EPB41: variants seen among roughly 807,000 people sequenced by gnomAD.
The protein encoded by EPB41 is erythrocyte membrane protein band 4.1.
A neutral mutation model predicts 108.0 loss-of-function variants in EPB41; 65 were observed. The observed-to-expected ratio is 0.60, with a 90% confidence interval of 0.49 to 0.74. The LOEUF is 0.74. Among genes scored for constraint, EPB41 ranks in the 30% least tolerant of loss-of-function variants. The pLI, the probability that EPB41 is intolerant of heterozygous loss-of-function variation, is 0.00. For synonymous variants in EPB41, 336 were observed against 358.9 expected (o/e 0.94, Z 0.72); for missense variants, 875 against 1,037.0 (o/e 0.84, Z 2.15).
intron 14 of EPB41, among the ~76,000 whole-genome samples, chr1:29,060,007 T>C (rs1254679298): frequency 2.0e-5 from 3 of 152,214 alleles, no homozygotes; most frequent in Non-Finnish European, 4.4e-5. Flanking sequence ...GCAGTGTCAC[T>C]AAGTATAAAA....
chr1:29,045,763 G>C (rs948028910), intron 11 of EPB41, among the ~76,000 whole-genome samples: 7 of 139,732 alleles, frequency 5.0e-5, no homozygotes, highest in Admixed American at 7.9e-5. Context: ...GCTTGAGTCT[G>C]AGAGTTCAAG....
At chr1:29,061,568 C>CTTTTTTTTTT (rs1216571057) in intron 15 of EPB41, among the ~76,000 whole-genome samples, 2 of 89,898 alleles carry the variant, frequency 2.2e-5, no homozygotes, top group East Asian at 5.2e-4. Context: ...TGCGCCTGGC[C>CTTTTTTTTTT]TTTGTTTTTT....
intron 1 of EPB41, among the ~76,000 whole-genome samples, chr1:28,935,198 AG>A (rs2093943320): frequency 6.6e-6 from 1 of 152,048 alleles, no homozygotes; most frequent in African/African-American, 2.4e-5. Context: ...TGGGAGGATG[AG>A]GCAGGCTGAT....
intron 16 of EPB41, chr1:29,069,082 C>T (rs1649951124): frequency 4.8e-6 from 5 of 1,039,916 alleles, no homozygotes; most frequent in Admixed American, 8.5e-5. Context: ...TTTATGTTGT[C>T]TTTCTTCTCC....
At chr1:29,061,610 C>T (rs1431327420) in intron 15 of EPB41, among the ~76,000 whole-genome samples, 1 of 98,354 alleles carries the variant, frequency 1.0e-5, no homozygotes, top group Non-Finnish European at 1.9e-5. Flanking sequence ...AGGCGGGTCT[C>T]ACAGTGTTAC....
chr1:28,912,899 G>A (rs376015912), upstream of EPB41, among the ~76,000 whole-genome samples: 6 of 152,070 alleles, frequency 3.9e-5, no homozygotes, highest in East Asian at 5.8e-4. Flanking sequence ...TTACAGGCAT[G>A]AGCCACCATG....
chr1:29,038,528 T>G (rs575795035), intron 10 of EPB41, among the ~76,000 whole-genome samples: 1 of 152,336 alleles, frequency 6.6e-6, no homozygotes, highest in Non-Finnish European at 1.5e-5. Context: ...TTGGTAGTAT[T>G]TGATGTAGTA....
At chr1:28,965,068 G>A (rs1302014462) in intron 1 of EPB41, among the ~76,000 whole-genome samples, 1 of 151,766 alleles carries the variant, frequency 6.6e-6, no homozygotes, top group Non-Finnish European at 1.5e-5. Context: ...TTGCAACCTT[G>A]GCTCTTATCT....
chr1:28,921,751 T>G (rs549063297), intron 1 of EPB41, among the ~76,000 whole-genome samples: 1 of 151,830 alleles, frequency 6.6e-6, no homozygotes, highest in African/African-American at 2.4e-5. Context: ...CACATGTGTC[T>G]TTAGAGTAAT....
chr1:28,924,438 A>G (rs2093326276), intron 1 of EPB41, among the ~76,000 whole-genome samples: 1 of 152,160 alleles, frequency 6.6e-6, no homozygotes, highest in Non-Finnish European at 1.5e-5. Flanking sequence ...TTGAGGCAGG[A>G]TAATCGCTTG....
intron 1 of EPB41, among the ~76,000 whole-genome samples, chr1:28,985,499 T>C (rs1429456167): frequency 6.6e-6 from 1 of 152,172 alleles, no homozygotes; most frequent in African/African-American, 2.4e-5. Flanking sequence ...TCTGGGGGCA[T>C]GAAGGCCAAT....
intron 1 of EPB41, among the ~76,000 whole-genome samples, chr1:28,946,300 G>A (rs2094487328): frequency 1.3e-5 from 2 of 152,110 alleles, no homozygotes; most frequent in Admixed American, 6.5e-5. Context: ...GTGCTAAAGG[G>A]GTTTCACCGT....
In EPB41 at chr1:28,907,564, G is replaced by C. The variant is rs548515818; in HGVS notation, c.-8+20354G>C. On this transcript the variant is annotated intron_variant, in intron 1 of 16. Coordinates refer to the EPB41 transcript ENST00000347529. ...TTGAAATTGTAAAAGTGGACCTGGTGGATGGTTGTTAAGGCATTCCTTGAC... is the reference window on the plus strand; with the variant it reads ...TTGAAATTGTAAAAGTGGACCTGGTCGATGGTTGTTAAGGCATTCCTTGAC... 1.9e-4 allele frequency among the ~76,000 whole-genome samples: 29 copies of C among 152,198 alleles called. 1 individual carries two copies. In the South Asian group the frequency reaches 5.8e-3, roughly 30 times the overall value.
chr1:29,111,570 G>GCT, intron 18 of EPB41, among the ~76,000 whole-genome samples: 1 of 151,726 alleles, frequency 6.6e-6, no homozygotes, highest in African/African-American at 2.4e-5. Context: ...GGAGAATGGT[G>GCT]TGAACCCAGT....
intron 1 of EPB41, among the ~76,000 whole-genome samples, chr1:28,891,290 G>T (rs1334058399): frequency 1.3e-5 from 2 of 152,244 alleles, no homozygotes; most frequent in East Asian, 3.8e-4. Context: ...GACTGAGTCT[G>T]TGAAGGAAGA....
chr1:29,019,866 A>G (rs1172524499), intron 7 of EPB41, among the ~76,000 whole-genome samples: 5 of 152,126 alleles, frequency 3.3e-5, no homozygotes, highest in South Asian at 2.1e-4. Flanking sequence ...TAAAGTCTAC[A>G]ACCTACATAG....
intron 17 of EPB41, among the ~76,000 whole-genome samples, chr1:29,101,807 G>A (rs528645160): frequency 5.3e-5 from 8 of 152,312 alleles, no homozygotes; most frequent in East Asian, 3.9e-4. Flanking sequence ...AGGCTGAGGC[G>A]GAGGCTCCCT....
rs1390667024 is a variant in EPB41 at position 29,041,647 on chromosome 1, CA to C, written c.1636+2233del. Among the ~76,000 whole-genome samples, 735 of 132,134 alleles carry C rather than the reference CA, an allele frequency of 5.6e-3. 6 individuals carry two copies. The highest frequency in any genetic ancestry group is 0.015 in the African/African-American group (543 of 36,028). 86.7% of individuals were successfully genotyped at this position (132,134 alleles called of 152,430 possible). On this transcript the variant is annotated intron_variant, in intron 11 of 20. Transcript: ENST00000343067. The stretch of plus-strand genomic sequence containing the variant: ...TAGTGTGCAGAGTGGGACGCCGTCT[CA>C]AAAAAAAAAAAGAAGCTCAGTGGTA...
chr1:28,980,898 G>A (rs1189721340), intron 1 of EPB41, among the ~76,000 whole-genome samples: 2 of 145,870 alleles, frequency 1.4e-5, no homozygotes, highest in African/African-American at 2.5e-5. Flanking sequence ...CTGGCCTCCC[G>A]AGTAGCGGGG....
Sources: gnomAD v4.1 joint callset for allele counts (sites outside exome capture counted in the v4.1 genomes callset) on GRCh38, gnomAD v4.1.1 for gene constraint, MANE v1.5 for transcripts, NCBI Gene and HGNC (gene_info 2026-07-23, HGNC 2026-07-21) for gene names.